The following CCN6 variants were observed in gnomAD, a reference collection of about 807,000 sequenced individuals.
CCN6 encodes CCN family member 6.
In CCN6, 31 loss-of-function variants were observed where a neutral mutation model predicts 37.4. The observed-to-expected ratio is 0.83, with a 90% CI of 0.62 to 1.12. The LOEUF (loss-of-function observed/expected upper bound fraction) is 1.12. Ranked by LOEUF, CCN6 falls within the 50% of genes most tolerant of loss-of-function variation. CCN6 has a pLI of 0.00. For synonymous variants in CCN6, 137 were observed against 142.1 expected (o/e 0.96, Z 0.26); for missense variants, 369 against 413.8 (o/e 0.89, Z 0.94).
At chr6:112,057,282 G>A (rs1554311923) in intron 1 of CCN6, among the ~76,000 whole-genome samples, 1 of 152,178 alleles carries the variant, frequency 6.6e-6, no homozygotes, top group African/African-American at 2.4e-5. Flanking sequence ...TGGACTATGG[G>A]GAACCCCTGA....
At chr6:112,061,421 GGGAC>G in intron 2 of CCN6, 133 bp downstream of exon 2, 1 of 1,100,740 alleles carries the variant, frequency 9.1e-7, no homozygotes, top group Middle Eastern at 2.7e-4. Flanking sequence ...ATGCACCAGT[GGGAC>G]TGGCTCCATT....
chr6:112,068,109 A>G (rs1776753011), intron 3 of CCN6, 96 bp from the exon 4 acceptor site: 2 of 1,051,818 alleles, frequency 1.9e-6, no homozygotes, highest in South Asian at 3.6e-5. Context: ...ATACAAAAAT[A>G]CTCAGATTTC....
At chr6:112,062,378 G>T (rs1776553023) in intron 2 of CCN6, among the ~76,000 whole-genome samples, 1 of 152,150 alleles carries the variant, frequency 6.6e-6, no homozygotes, top group African/African-American at 2.4e-5. Flanking sequence ...CCCAAGCTAG[G>T]CAGGTTATTT....
chr6:112,059,152 T>C (rs1401818031), intron 1 of CCN6, among the ~76,000 whole-genome samples: 8 of 152,200 alleles, frequency 5.3e-5, no homozygotes, highest in African/African-American at 1.9e-4. Context: ...GCCTGCCTGA[T>C]TTAAATCAGT....
intron 2 of CCN6, among the ~76,000 whole-genome samples, chr6:112,062,042 C>A (rs2114448577): frequency 6.6e-6 from 1 of 152,248 alleles, no homozygotes; most frequent in South Asian, 2.1e-4. Flanking sequence ...TGGAGTCAGG[C>A]TGAATGTGTA....
upstream of CCN6, chr6:112,053,995 C>T (rs1776272000): frequency 2.3e-6 from 1 of 439,018 alleles, no homozygotes; most frequent in Non-Finnish European, 4.2e-6. Flanking sequence ...TGGGACCCCA[C>T]CCGTTGTCGG....
intron 2 of CCN6, 104 bp from the exon 3 acceptor site, chr6:112,064,651 A>G: frequency 1.3e-6 from 2 of 1,560,044 alleles, no homozygotes; most frequent in East Asian, 2.2e-5. Flanking sequence ...TGAGAGCTAT[A>G]CTTCATACAG....
chr6:112,065,031 C>G, intron 3 of CCN6, 34 bp downstream of exon 3: 2 of 1,613,364 alleles, frequency 1.2e-6, no homozygotes, highest in Non-Finnish European at 1.7e-6. Context: ...TCACGTATGA[C>G]CTTGGTGGTA....
At chr6:112,060,879 A>T in intron 1 of CCN6, 112 bp from the exon 2 acceptor site, 1 of 1,248,632 alleles carries the variant, frequency 8.0e-7, no homozygotes, top group Non-Finnish European at 1.1e-6. Flanking sequence ...TGTTATTATA[A>T]TGATTGTAAC....
chr6:112,067,018 T>C (rs1554314140), intron 3 of CCN6: 1 of 1,366,416 alleles, frequency 7.3e-7, no homozygotes. Context: ...CTTTAAACTG[T>C]TGTCTACCTT....
At position 112,064,921 on chromosome 6, in the gene CCN6, A is replaced by G; in HGVS notation, c.513A>G (p.Gly171=). The change falls in exon 3 of 5, where the codon GGA becomes GGG. Residue 171 remains glycine, a synonymous_variant. Coordinates refer to ENST00000368666, the MANE Select transcript of CCN6 (RefSeq NM_198239.2). ...AGSHCSGAKG[G]KKSDQSNCSL... The stretch of plus-strand genomic sequence containing the variant: ...GTCACTGCTCTGGAGCTAAAGGTGG[A>G]AAGAAGTCTGATCAGTCAAACTGTA... The G allele has an allele frequency of 6.2e-7, 1 of 1,614,084 alleles. No individual in the cohort carries two copies. Among genetic ancestry groups the G allele is most frequent in the South Asian group, 1.1e-5 (1 of 91,090 alleles).
Position 112,069,204 on chromosome 6 carries a change from G to A in CCN6, c.784-135G>A. On this transcript the variant is annotated intron_variant, in intron 4 of 4. Coordinates refer to ENST00000368666, the MANE Select transcript of CCN6 (RefSeq NM_198239.2). ...GAAGGGGATCTTAAGGGTAAAGAGA[G>A]TGCTGGAAATCACTACATAGCAACT... The A allele has an allele frequency of 9.4e-6, 9 of 959,018 alleles. No homozygotes were observed. The South Asian group carries it at 1.3e-4, about 14-fold the overall frequency. 59.4% of individuals were successfully genotyped at this position (959,018 alleles called of 1,614,324 possible).
At chr6:112,067,513 C>G (rs1401186028) in intron 3 of CCN6, among the ~76,000 whole-genome samples, 2 of 152,226 alleles carry the variant, frequency 1.3e-5, no homozygotes, top group South Asian at 4.1e-4. Flanking sequence ...ATCTATTGAT[C>G]CATCCATTCT....
chr6:112,054,259 G>T lies in CCN6; in HGVS notation c.-99G>T. ...GGTGTGTGTTCTTGTGCAGAGGAGC[G>T]TGGGGTTTGCAGAGGAGACAGGGGA... On this transcript the variant is annotated 5_prime_UTR_variant, in exon 1 of 5. Transcript: ENST00000368666. 6.5e-7 allele frequency: 1 copy of T among 1,537,510 alleles called. No homozygotes were observed. The highest frequency in any genetic ancestry group is 1.1e-5 in the South Asian group (1 of 89,572).
Position 112,057,890 on chromosome 6 carries a change from G to A in CCN6, c.49-3101G>A, listed in dbSNP as rs150691771. ...GCGTTGAAAAGTAAGGGGAGGACTG[G>A]GGGGACCAGATGTAATGAAATCCAA... On this transcript the variant is annotated intron_variant, in intron 1 of 4. Coordinates refer to ENST00000368666, the MANE Select transcript of CCN6 (RefSeq NM_198239.2). 8.6e-3 allele frequency among the ~76,000 whole-genome samples: 1,314 copies of A among 152,190 alleles called. 13 individuals are homozygous for A. Among genetic ancestry groups the A allele is most frequent in the African/African-American group, 0.03 (1,254 of 41,486 alleles).
upstream of CCN6, among the ~76,000 whole-genome samples, chr6:112,053,052 A>G (rs587708332): frequency 6.6e-6 from 1 of 152,266 alleles, no homozygotes; most frequent in Non-Finnish European, 1.5e-5. Context: ...AGGGATAGGT[A>G]ACTGATCAAA....
At chr6:112,053,137 C>T (rs373014535), upstream of CCN6, among the ~76,000 whole-genome samples, 6 of 151,934 alleles carry the variant, frequency 3.9e-5, no homozygotes, top group Admixed American at 6.6e-5. Context: ...CAAAGCACCA[C>T]GGCAGCTGCA....
Position 112,064,923 on chromosome 6 carries a change from A to G in CCN6, c.515A>G (p.Lys172Arg). ...GSHCSGAKGGKKSDQSNCSLE... is the reference protein window; with the variant it reads ...GSHCSGAKGGRKSDQSNCSLE... Reference sequence around the variant, plus strand: ...CACTGCTCTGGAGCTAAAGGTGGAAAGAAGTCTGATCAGTCAAACTGTAGC... The same window carrying G: ...CACTGCTCTGGAGCTAAAGGTGGAAGGAAGTCTGATCAGTCAAACTGTAGC... Residue 172 changes from lysine to arginine, a missense_variant, in exon 3 of 5, where the codon AAG (lysine) becomes AGG (arginine). Physicochemically the swap from Lys to Arg is conservative, Grantham distance 26. Transcript: ENST00000368666. The G allele has an allele frequency of 6.2e-7, 1 of 1,614,112 alleles. No homozygotes were observed. The highest frequency in any genetic ancestry group is 8.5e-7 in the Non-Finnish European group (1 of 1,179,964).
intron 2 of CCN6, among the ~76,000 whole-genome samples, chr6:112,063,570 A>G (rs1256203483): frequency 6.6e-6 from 1 of 152,228 alleles, no homozygotes; most frequent in African/African-American, 2.4e-5. Flanking sequence ...AAGTCTACAT[A>G]TTGGATAAAT....
Sources: allele counts gnomAD v4.1 joint callset (sites outside exome capture counted in the v4.1 genomes callset), GRCh38; gene constraint gnomAD v4.1.1; transcripts MANE v1.5; gene names NCBI Gene and HGNC (gene_info 2026-07-23, HGNC 2026-07-21).